The following PRMT2 variants were observed in gnomAD, a reference collection of about 807,000 sequenced individuals.
PRMT2 encodes protein arginine methyltransferase 2.
In PRMT2, 26 loss-of-function variants were observed where a neutral mutation model predicts 57.6. That is an observed-to-expected ratio of 0.45 (90% CI 0.33 to 0.63). PRMT2 has a LOEUF of 0.63. Among genes scored for constraint, PRMT2 ranks in the 20% least tolerant of loss-of-function variants. The pLI, the probability that PRMT2 is intolerant of heterozygous loss-of-function variation, is 0.02. For missense variants in PRMT2, 472 were observed against 564.4 expected (o/e 0.84, Z 1.66); for synonymous variants, 219 against 220.0 (o/e 1.00, Z 0.04).
intron 8 of PRMT2, among the ~76,000 whole-genome samples, 153 bp from the exon 9 acceptor site, chr21:46,660,680 C>T (rs1031518614): frequency 2.0e-5 from 3 of 152,180 alleles, no homozygotes; most frequent in Admixed American, 2.0e-4. Context: ...CTGTGGAGGC[C>T]TGAGGGCTGC....
At chr21:46,659,927 A>G in intron 8 of PRMT2, 1 of 985,398 alleles carries the variant, frequency 1.0e-6, no homozygotes. Context: ...TAAACCGTGT[A>G]TACAGAATGG....
In PRMT2 at chr21:46,664,536, C is replaced by A. The variant is rs999958357; in HGVS notation, c.*209C>A. ...GCAGGAGCTGCCGTGGCCACCCCCG[C>A]TGCCCAGTGTCTGCCCTCTAGAAGT... On this transcript the variant is annotated 3_prime_UTR_variant, in exon 12 of 12. Coordinates refer to ENST00000355680, the MANE Select transcript of PRMT2 (RefSeq NM_206962.4). 3 of 637,642 alleles carry A rather than the reference C, an allele frequency of 4.7e-6. No homozygotes were observed. Among genetic ancestry groups the A allele is most frequent in the African/African-American group, 1.8e-5 (1 of 55,254 alleles). The allele number at this position is 637,642 out of a possible 1,614,324, so 39.5% of individuals were successfully genotyped here.
chr21:46,651,745 G>A, intron 7 of PRMT2: 5 of 1,574,392 alleles, frequency 3.2e-6, no homozygotes, highest in Non-Finnish European at 4.3e-6. Context: ...TTTGAGGGAG[G>A]GAGGGTATGA....
At chr21:46,645,008 A>G (rs2061338224) in intron 5 of PRMT2, among the ~76,000 whole-genome samples, 1 of 152,170 alleles carries the variant, frequency 6.6e-6, no homozygotes, top group African/African-American at 2.4e-5. Context: ...GGCCAAGGCA[A>G]GAGGACACTT....
chr21:46,652,232 A>T (rs1809868504), intron 7 of PRMT2: 1 of 1,376,246 alleles, frequency 7.3e-7, no homozygotes, highest in Non-Finnish European at 9.4e-7. Flanking sequence ...AAAAATTGCT[A>T]CAAGTTTATT....
rs927162666 is a variant in PRMT2, at chr21:46,652,663, A to C, written c.654+2924A>C. 77 of 985,224 alleles carry C rather than the reference A, an allele frequency of 7.8e-5. No homozygotes were observed. The African/African-American group carries it at 1.3e-3, about 17-fold the overall frequency. The allele number at this position is 985,224 out of a possible 1,614,324, so 61.0% of individuals were successfully genotyped here. On this transcript the variant is annotated intron_variant, in intron 7 of 11. Transcript: ENST00000355680. ...CAGTGTAAATTGGTAAAGCCTTTTG[A>C]AGGAAAATAGGGCAGAATAAGTCAA...
intron 4 of PRMT2, 79 bp downstream of exon 4, chr21:46,643,718 C>T (rs2148970253): frequency 6.8e-7 from 1 of 1,480,906 alleles, no homozygotes; most frequent in Non-Finnish European, 9.0e-7. Flanking sequence ...GCAGACGTCA[C>T]ACCAAAGTTA....
At chr21:46,639,710 G>GTGTGTGTGTGTGTGTGTTTT (rs2061237970) in intron 3 of PRMT2, among the ~76,000 whole-genome samples, 1 of 146,528 alleles carries the variant, frequency 6.8e-6, no homozygotes, top group Admixed American at 6.8e-5. Context: ...GTGTGTGTTT[G>GTGTGTGTGTGTGTGTGTTTT]TGTGTGTGTG....
At chr21:46,651,618 C>CA (rs1407160637) in intron 7 of PRMT2, among the ~76,000 whole-genome samples, 2 of 151,660 alleles carry the variant, frequency 1.3e-5, no homozygotes, top group Non-Finnish European at 2.9e-5. Context: ...AGACTCCCCC[C>CA]CAGGGAGACT....
rs576585961 is a variant in PRMT2 at position 46,660,945 on chromosome 21, C to A, written c.943C>A (p.Gln315Lys). The A allele has an allele frequency of 1.2e-6, 2 of 1,612,806 alleles. No homozygotes were observed. Among genetic ancestry groups the A allele is most frequent in the East Asian group, 4.5e-5 (2 of 44,858 alleles). Residue 315 changes from glutamine (Q) to lysine (K), a missense_variant, in exon 9 of 12, where the codon CAA becomes AAA. Gln to Lys is a moderately conservative substitution (Grantham distance 53). Transcript: ENST00000355680. ...ATTGCAGTTGGACATGAGAACCGTG[C>A]AAATTTCTGATCTAGAGGTGAGAAA... ...TILQLDMRTVQISDLETLRGE... is the reference protein window; with the variant it reads ...TILQLDMRTVKISDLETLRGE...
chr21:46,640,465 G>T (rs555484626), intron 3 of PRMT2, among the ~76,000 whole-genome samples: 1 of 142,016 alleles, frequency 7.0e-6, no homozygotes, highest in South Asian at 2.2e-4. Flanking sequence ...TTTTTGAGAC[G>T]GAGTCTCGCT....
intron 11 of PRMT2, among the ~76,000 whole-genome samples, 196 bp from the exon 12 acceptor site, chr21:46,664,099 A>C (rs971897528): frequency 1.3e-5 from 2 of 152,192 alleles, no homozygotes; most frequent in Middle Eastern, 3.2e-3. Flanking sequence ...AGAAAATAAA[A>C]ATAAATGGTT....
chr21:46,641,747 G>GTA (rs2061280057), intron 3 of PRMT2, among the ~76,000 whole-genome samples: 1 of 135,814 alleles, frequency 7.4e-6, no homozygotes, highest in African/African-American at 2.7e-5. Context: ...GTGTGTGTGT[G>GTA]TATACGTGTA....
rs114107544 is a variant in PRMT2, at chr21:46,652,064, G to T, written c.654+2325G>T. 1.3e-3 allele frequency: 2,038 copies of T among 1,602,096 alleles called. 22 individuals are homozygous for T. The African/African-American group carries it at 0.023, about 18-fold the overall frequency. On this transcript the variant is annotated intron_variant, in intron 7 of 11. Coordinates refer to ENST00000355680, the MANE Select transcript of PRMT2 (RefSeq NM_206962.4). The stretch of plus-strand genomic sequence containing the variant: ...AAGAGTGCATGTGCGTTTAGCATAG[G>T]AGGGGCAGCTTTCAGTCAGTGCAGC...
chr21:46,651,711 T>A, intron 7 of PRMT2: 1 of 1,399,706 alleles, frequency 7.1e-7, no homozygotes, highest in Non-Finnish European at 9.9e-7. Context: ...TGGCGATAGT[T>A]GTTGGGGCAC....
At chr21:46,638,776 T>G (rs572666112) in intron 3 of PRMT2, among the ~76,000 whole-genome samples, 1 of 152,358 alleles carries the variant, frequency 6.6e-6, no homozygotes, top group East Asian at 1.9e-4. Context: ...AATGGTAATT[T>G]GTGTTTTATC....
intron 4 of PRMT2, among the ~76,000 whole-genome samples, chr21:46,643,958 G>T (rs1400016961): frequency 6.6e-6 from 1 of 152,156 alleles, no homozygotes; most frequent in East Asian, 1.9e-4. Flanking sequence ...ACATAGCTTT[G>T]TTTACTTTGT....
chr21:46,652,775 C>T (rs2061480084), intron 7 of PRMT2: 1 of 1,206,242 alleles, frequency 8.3e-7, no homozygotes, highest in Non-Finnish European at 1.1e-6. Context: ...CCTAGATTGT[C>T]AACAGACCAT....
chr21:46,653,664 G>T, intron 7 of PRMT2: 3 of 1,251,664 alleles, frequency 2.4e-6, no homozygotes, highest in South Asian at 2.9e-5. Context: ...ATTCCCTGGA[G>T]CTCATGTAGA....
Sources: gnomAD v4.1 joint callset for allele counts (sites outside exome capture counted in the v4.1 genomes callset) on GRCh38, gnomAD v4.1.1 for gene constraint, MANE v1.5 for transcripts, NCBI Gene and HGNC (gene_info 2026-07-23, HGNC 2026-07-21) for gene names.